The following UHRF2 variants were observed in gnomAD, a reference collection of about 807,000 sequenced individuals.
The protein encoded by UHRF2 is ubiquitin like with PHD and ring finger domains 2, also known as E3 ubiquitin-protein ligase UHRF2.
A neutral mutation model predicts 96.8 loss-of-function variants in UHRF2; 23 were observed. The ratio of observed to expected loss-of-function variants is 0.24; its 90% CI spans 0.17 to 0.34. The LOEUF (loss-of-function observed/expected upper bound fraction) is 0.34. Among genes scored for constraint, UHRF2 ranks in the 10% least tolerant of loss-of-function variants. The probability of loss-of-function intolerance (pLI) is 1.00; values close to 1 mark genes in which losing one functional copy is unlikely to be tolerated. For missense variants in UHRF2, 685 were observed against 981.5 expected, an observed-to-expected ratio of 0.70 and a Z score of 4.04; for synonymous variants, 385 against 332.6, an observed-to-expected ratio of 1.16 and a Z score of -1.72.
intron 10 of UHRF2, 47 bp from the exon 11 acceptor site, chr9:6,497,151 C>G: frequency 6.3e-7 from 1 of 1,576,034 alleles, no homozygotes; most frequent in Non-Finnish European, 8.6e-7. Flanking sequence ...CGATTGTGTA[C>G]TTGAAGAAAA....
Position 6,493,933 on chromosome 9 carries a change from G to A in UHRF2, c.1604+1G>A. ...ATCAAACATTAACAAACATGAACAGGTACTACTATAGACACTGTTTAGAAT... is the reference window on the plus strand; with the variant it reads ...ATCAAACATTAACAAACATGAACAGATACTACTATAGACACTGTTTAGAAT... On this transcript the variant is annotated splice_donor_variant, in intron 10 of 15. Coordinates refer to ENST00000276893, the MANE Select transcript of UHRF2 (RefSeq NM_152896.3). LOFTEE classifies it high-confidence loss of function. 1 of 1,611,618 alleles carries A rather than the reference G, an allele frequency of 6.2e-7. No individual in the cohort carries two copies. Among genetic ancestry groups the A allele is most frequent in the Non-Finnish European group, 8.5e-7 (1 of 1,178,194 alleles).
At position 6,460,482 on chromosome 9, in the gene UHRF2, A is replaced by G. The variant is rs190968369; in HGVS notation, c.645-91A>G. The G allele has an allele frequency of 1.1e-3, 1,222 of 1,089,336 alleles. 11 individuals carry two copies. The African/African-American group carries it at 0.017, about 15-fold the overall frequency. 67.5% of individuals were successfully genotyped at this position (1,089,336 alleles called of 1,614,324 possible). A position where few individuals can be genotyped will look rare whatever the true frequency, so the allele number is the denominator to read the frequency against. On this transcript the variant is annotated intron_variant, in intron 3 of 15. Transcript: ENST00000276893. The stretch of plus-strand genomic sequence containing the variant: ...CCTATTTTACTCTTTCTCTTAGATG[A>G]TTAACTCAGCAAATTAGGTTTTTCT...
At chr9:6,427,788 G>A (rs1049189876) in intron 2 of UHRF2, among the ~76,000 whole-genome samples, 5 of 152,110 alleles carry the variant, frequency 3.3e-5, no homozygotes, top group African/African-American at 1.2e-4. Context: ...ATTTTCATAT[G>A]TTATTGCAAG....
intron 1 of UHRF2, among the ~76,000 whole-genome samples, chr9:6,415,781 C>G (rs1248803752): frequency 2.0e-4 from 30 of 152,138 alleles, no homozygotes; most frequent in Admixed American, 1.9e-3. Context: ...TCAGCTCACC[C>G]CAGAACTGCA....
chr9:6,420,738 A>G (rs545566804), intron 1 of UHRF2, among the ~76,000 whole-genome samples, 174 bp from the exon 2 acceptor site: 15 of 151,622 alleles, frequency 9.9e-5, no homozygotes, highest in African/African-American at 2.7e-4. Flanking sequence ...GAGAGAATGT[A>G]TTGGGGTCCA....
chr9:6,478,912 C>T (rs565713294), intron 6 of UHRF2, among the ~76,000 whole-genome samples: 13 of 152,246 alleles, frequency 8.5e-5, no homozygotes, highest in South Asian at 8.3e-4. Context: ...TTTCCTCTGA[C>T]GTCTCATATT....
chr9:6,464,531 T>A (rs1822750510), intron 4 of UHRF2, among the ~76,000 whole-genome samples: 1 of 152,204 alleles, frequency 6.6e-6, no homozygotes, highest in Admixed American at 6.5e-5. Flanking sequence ...TCTAAAAGCT[T>A]TGTGGTTTTG....
rs1334743518 is a variant in UHRF2 at position 6,482,598 on chromosome 9, CT to C, written c.1392+515del. On this transcript the variant is annotated intron_variant, in intron 8 of 15. Transcript: ENST00000276893. ...ATTCTGAATATTAAATAAGAGGGGC[CT>C]TTTTTTTTTTTTTTTGAGATGGAGT... 5.3e-3 allele frequency among the ~76,000 whole-genome samples: 723 copies of C among 135,854 alleles called. 1 individual carries two copies. The highest frequency in any genetic ancestry group is 0.024 in the East Asian group (115 of 4,796). The allele number at this position is 135,854 out of a possible 152,430, so 89.1% of individuals were successfully genotyped here.
At chr9:6,475,012 A>G (rs1012703567) in intron 4 of UHRF2, among the ~76,000 whole-genome samples, 1 of 152,218 alleles carries the variant, frequency 6.6e-6, no homozygotes, top group Non-Finnish European at 1.5e-5. Flanking sequence ...ACCAAAGGAC[A>G]AAACAAACAG....
chr9:6,489,337 G>C (rs960920581), intron 9 of UHRF2, among the ~76,000 whole-genome samples: 4 of 152,178 alleles, frequency 2.6e-5, no homozygotes, highest in African/African-American at 7.2e-5. Context: ...GGGTTCTTTT[G>C]AGTTTTTAGC....
At chr9:6,420,709 A>G (rs1433626412) in intron 1 of UHRF2, among the ~76,000 whole-genome samples, 3 of 150,830 alleles carry the variant, frequency 2.0e-5, no homozygotes, top group African/African-American at 7.3e-5. Flanking sequence ...ACCGTCTCAA[A>G]AAAAAAAAAA....
intron 3 of UHRF2, among the ~76,000 whole-genome samples, chr9:6,438,557 C>G (rs780372226): frequency 6.6e-6 from 1 of 152,100 alleles, no homozygotes; most frequent in Non-Finnish European, 1.5e-5. Context: ...AACCTGTGCA[C>G]AATTGTGTCT....
At position 6,464,813 on chromosome 9, in the gene UHRF2, C is replaced by T. The variant is rs144429595; in HGVS notation, c.863+4022C>T. On this transcript the variant is annotated intron_variant, in intron 4 of 15. Transcript: ENST00000276893. ...TCCACACTTTCATAATACAACAGAG[C>T]ACATGATCCTGCCTTGTTCTTCAAG... 1.4e-4 allele frequency among the ~76,000 whole-genome samples: 22 copies of T among 152,210 alleles called. No individual in the cohort carries two copies. In the East Asian group the frequency reaches 4.1e-3, roughly 28 times the overall value.
rs755529534 is a variant in UHRF2, at chr9:6,477,719, C to T, written c.1071C>T (p.Asn357=). The change falls in exon 6 of 16, where the codon AAC becomes AAT. Residue 357 remains asparagine, a synonymous_variant. Coordinates refer to ENST00000276893, the MANE Select transcript of UHRF2 (RefSeq NM_152896.3). ...TATGTGGTGGGAAACATGAACCCAA[C>T]ATGCAGCTTCTGTGTGATGAATGTA... ...CRVCGGKHEP[N]MQLLCDECNV... is the part of the protein sequence containing the mutation. The T allele has an allele frequency of 6.3e-5, 102 of 1,614,014 alleles. No homozygotes were observed. The highest frequency in any genetic ancestry group is 8.4e-5 in the Non-Finnish European group (99 of 1,180,012).
At chr9:6,444,798 TCA>T (rs1280051931) in intron 3 of UHRF2, among the ~76,000 whole-genome samples, 1 of 152,166 alleles carries the variant, frequency 6.6e-6, no homozygotes, top group East Asian at 1.9e-4. Context: ...AGACAGGGTT[TCA>T]CCATGTTGGC....
chr9:6,452,584 A>AT (rs1196342866), intron 3 of UHRF2, among the ~76,000 whole-genome samples: 1 of 152,214 alleles, frequency 6.6e-6, no homozygotes, highest in African/African-American at 2.4e-5. Flanking sequence ...AGAAAGGTAG[A>AT]TTTTAACTAA....
At chr9:6,487,004 C>A in intron 9 of UHRF2, 79 bp downstream of exon 9, 1 of 1,314,768 alleles carries the variant, frequency 7.6e-7, no homozygotes. Flanking sequence ...TAGGATACAT[C>A]AAATACTGTT....
intron 3 of UHRF2, among the ~76,000 whole-genome samples, chr9:6,443,037 C>G (rs1427340678): frequency 6.6e-6 from 1 of 151,996 alleles, no homozygotes; most frequent in Admixed American, 6.6e-5. Flanking sequence ...TAGCTGATTT[C>G]TATAAGAATA....
intron 9 of UHRF2, 52 bp from the exon 10 acceptor site, chr9:6,493,774 T>G: frequency 3.1e-5 from 46 of 1,463,110 alleles, no homozygotes; most frequent in Non-Finnish European, 3.9e-5. Flanking sequence ...TAAGAATTGA[T>G]GAAATTATAC....
Sources: gnomAD v4.1 joint callset for allele counts (sites outside exome capture counted in the v4.1 genomes callset) on GRCh38, gnomAD v4.1.1 for gene constraint, MANE v1.5 for transcripts, NCBI Gene and HGNC (gene_info 2026-07-23, HGNC 2026-07-21) for gene names.